KIF9: variants seen among roughly 807,000 people sequenced by gnomAD.
KIF9 encodes kinesin family member 9, also known as kinesin-like protein KIF9.
KIF9 carries 68 observed loss-of-function variants against 94.8 expected under a neutral mutation model. That is an observed-to-expected ratio of 0.72 (90% confidence interval 0.59 to 0.88). The LOEUF (loss-of-function observed/expected upper bound fraction) is 0.88. KIF9 is among the 40% of genes least tolerant of loss of function. The pLI is 0.00. For synonymous variants in KIF9, 343 were observed against 362.1 expected, an observed-to-expected ratio of 0.95 and a Z score of 0.60; for missense variants, 882 against 982.5, an observed-to-expected ratio of 0.90 and a Z score of 1.37.
rs148063619 is a variant in KIF9, at chr3:47,271,337, G to A, written c.491C>T (p.Thr164Ile). 3.5e-4 allele frequency: 570 copies of A among 1,613,994 alleles called. 3 individuals are homozygous for A. The African/African-American group carries it at 6.6e-3, about 19-fold the overall frequency. Residue 164 changes from threonine (T) to isoleucine (I), a missense_variant, in exon 5 of 21, where the codon ACA becomes ATA. Thr to Ile is a moderately conservative substitution (Grantham distance 89). Coordinates refer to ENST00000684063, the MANE Select transcript of KIF9 (RefSeq NM_182902.4). Reference protein sequence around the residue: ...STLPYVGPSVTPMTIVENPQG... With the variant: ...STLPYVGPSVIPMTIVENPQG... ...AGGGTTTTCCACGATGGTCATTGGT[G>A]TGACTGAGGGTCCAACATAGGGCAG...
chr3:47,247,207 CCT>C (rs113435445), intron 12 of KIF9, among the ~76,000 whole-genome samples, 164 bp downstream of exon 12: 159 of 152,302 alleles, frequency 1.0e-3, no homozygotes, highest in African/African-American at 3.5e-3. Context: ...TGCTTGTGCC[CCT>C]GAGATGAGCT....
chr3:47,277,498 C>A, intron 1 of KIF9, 119 bp from the exon 2 acceptor site: 1 of 674,300 alleles, frequency 1.5e-6, no homozygotes, highest in Non-Finnish European at 2.5e-6. Context: ...TTCCCTCTCT[C>A]CCTGAAAGCC....
chr3:47,271,174 G>C (rs1380134995), intron 5 of KIF9, 63 bp downstream of exon 5: 1 of 1,112,440 alleles, frequency 9.0e-7, no homozygotes, highest in Non-Finnish European at 1.3e-6. Flanking sequence ...AAAAAGAAAA[G>C]CTGAGAAGGA....
rs547716388 is a variant in KIF9 at position 47,247,375 on chromosome 3, C to T, written c.1231G>A (p.Asp411Asn). The T allele has an allele frequency of 9.3e-6, 15 of 1,609,670 alleles. No individual in the cohort carries two copies. The highest frequency in any genetic ancestry group is 4.5e-5 in the East Asian group (2 of 44,826). Residue 411 changes from aspartate (D) to asparagine (N), a missense_variant and splice_region_variant, in exon 12 of 21, where the codon GAC (aspartate) becomes AAC (asparagine). By Grantham distance (23) the Asp-to-Asn change is conservative. Coordinates refer to ENST00000684063, the MANE Select transcript of KIF9 (RefSeq NM_182902.4). The part of the protein sequence containing the change: ...RYLEGTLDEI[D>N]IISLRQIKEV... ...GTGGTCACAGAGGGGTTCCTTACGTCGATCTCGTCCAGTGTCCCCTCCAGG... is the reference window on the plus strand; with the variant it reads ...GTGGTCACAGAGGGGTTCCTTACGTTGATCTCGTCCAGTGTCCCCTCCAGG...
Position 47,235,627 on chromosome 3 carries a change from G to A in KIF9, c.2218-10C>T, listed in dbSNP as rs1259284417. On this transcript the variant is annotated splice_polypyrimidine_tract_variant and intron_variant, in intron 19 of 20. Transcript: ENST00000684063. ...CCTGGTCATCTTCTCCCTGGGGGAG[G>A]ACAGTCCCTTTAGCATGGTATTGTC... is the stretch of plus-strand genomic sequence containing the variant. 3 of 1,600,848 alleles carry A rather than the reference G, an allele frequency of 1.9e-6. No homozygotes were observed. Among genetic ancestry groups the A allele is most frequent in the Admixed American group, 1.7e-5 (1 of 59,984 alleles).
chr3:47,243,140 A>G lies in KIF9; in HGVS notation c.1620T>C (p.Asp540=). The G allele has an allele frequency of 6.2e-7, 1 of 1,614,060 alleles. No homozygotes were observed. Among genetic ancestry groups the G allele is most frequent in the Non-Finnish European group, 8.5e-7 (1 of 1,179,936 alleles). Residue 540 remains aspartate (D), a synonymous_variant, in exon 16 of 21, where the codon GAT becomes GAC. Coordinates refer to ENST00000684063, the MANE Select transcript of KIF9 (RefSeq NM_182902.4). ...GGTCCCGCGAAAGCATGTCTTTGACATCCCCATCTTTGGAGGATGGGACCA... is the reference window on the plus strand; with the variant it reads ...GGTCCCGCGAAAGCATGTCTTTGACGTCCCCATCTTTGGAGGATGGGACCA... ...TQLVPSSKDG[D]VKDMLSRDRE...
intron 1 of KIF9, among the ~76,000 whole-genome samples, chr3:47,280,644 AC>A (rs1253066515): frequency 6.6e-6 from 1 of 152,206 alleles, no homozygotes; most frequent in African/African-American, 2.4e-5. Flanking sequence ...ATGGCACACC[AC>A]TGCTCTCCAG....
intron 10 of KIF9, chr3:47,248,314 T>A (rs1444638899): frequency 1.9e-6 from 1 of 516,804 alleles, no homozygotes; most frequent in African/African-American, 2.0e-5. Context: ...TCCCCTGGCC[T>A]TTGCTACTGC....
chr3:47,251,580 A>G (rs1432328575), intron 10 of KIF9, among the ~76,000 whole-genome samples: 1 of 152,144 alleles, frequency 6.6e-6, no homozygotes, highest in Non-Finnish European at 1.5e-5. Flanking sequence ...AACAACAACA[A>G]ACAGGGACAT....
intron 16 of KIF9, among the ~76,000 whole-genome samples, chr3:47,241,760 C>T (rs13082245): frequency 7.3e-6 from 1 of 136,446 alleles, no homozygotes; most frequent in African/African-American, 2.8e-5. Flanking sequence ...CGTATATATA[C>T]ATATATACGT....
At chr3:47,282,333 C>G in intron 1 of KIF9, 162 bp downstream of exon 1, 1 of 986,206 alleles carries the variant, frequency 1.0e-6, no homozygotes, top group Non-Finnish European at 1.2e-6. Flanking sequence ...GTTGAAAGGA[C>G]TCCCGCGACG....
At chr3:47,282,218 C>T (rs1702420997) in intron 1 of KIF9, 2 of 985,510 alleles carry the variant, frequency 2.0e-6, no homozygotes, top group African/African-American at 1.7e-5. Flanking sequence ...AGAGTCCAGA[C>T]GACCTCTGGC....
intron 9 of KIF9, among the ~76,000 whole-genome samples, chr3:47,262,325 T>C (rs1407441230): frequency 3.3e-5 from 5 of 151,406 alleles, no homozygotes; most frequent in Non-Finnish European, 5.9e-5. Flanking sequence ...GTCACCCAGG[T>C]TGGAGTTCAG....
At chr3:47,237,286 G>A (rs1443265422) in intron 17 of KIF9, among the ~76,000 whole-genome samples, 1 of 152,220 alleles carries the variant, frequency 6.6e-6, no homozygotes, top group East Asian at 1.9e-4. Context: ...TAGAGACAGG[G>A]TTTCACCATG....
chr3:47,265,590 A>G, intron 8 of KIF9, 140 bp downstream of exon 8: 1 of 821,684 alleles, frequency 1.2e-6, no homozygotes. Context: ...CAGGTGTCTG[A>G]AGTCACTGTG....
chr3:47,249,856 G>T (rs1373466460), intron 10 of KIF9, among the ~76,000 whole-genome samples: 1 of 152,052 alleles, frequency 6.6e-6, no homozygotes, highest in Admixed American at 6.6e-5. Flanking sequence ...TCAGGAGTTC[G>T]AGACCACCCT....
At chr3:47,230,395 T>C (rs1045164636) in intron 20 of KIF9, among the ~76,000 whole-genome samples, 5 of 150,274 alleles carry the variant, frequency 3.3e-5, no homozygotes, top group Non-Finnish European at 5.9e-5. Flanking sequence ...CTGAGCAACA[T>C]AGGGAGACCC....
chr3:47,252,208 A>C (rs1700314850), intron 10 of KIF9, among the ~76,000 whole-genome samples: 1 of 152,224 alleles, frequency 6.6e-6, no homozygotes. Context: ...TATCAGAAAG[A>C]TTATAAACAC....
Position 47,240,092 on chromosome 3 carries a change from C to G in KIF9, c.1924+709G>C, listed in dbSNP as rs1699353454. The G allele has an allele frequency of 4.3e-5, 19 of 445,668 alleles. 1 individual carries two copies. The highest frequency in any genetic ancestry group is 4.1e-4 in the South Asian group (19 of 46,706). 27.6% of individuals were successfully genotyped at this position (445,668 alleles called of 1,614,324 possible). On this transcript the variant is annotated intron_variant, in intron 17 of 20. Coordinates refer to ENST00000684063, the MANE Select transcript of KIF9 (RefSeq NM_182902.4). ...GGAATCTGCACTTGACCAGCCCTCTCAGATAAGTCATCTGAACACGCAAGC... is the reference window on the plus strand; with the variant it reads ...GGAATCTGCACTTGACCAGCCCTCTGAGATAAGTCATCTGAACACGCAAGC...
Sources: gnomAD v4.1 joint callset for allele counts (sites outside exome capture counted in the v4.1 genomes callset) on GRCh38, gnomAD v4.1.1 for gene constraint, MANE v1.5 for transcripts, NCBI Gene and HGNC (gene_info 2026-07-23, HGNC 2026-07-21) for gene names.